Variants in TTC27 observed in about 807,000 individuals in gnomAD.
TTC27 encodes tetratricopeptide repeat domain 27.
A neutral mutation model predicts 115.9 loss-of-function variants in TTC27; 79 were observed. That is an observed-to-expected ratio of 0.68 (90% confidence interval 0.57 to 0.82). The LOEUF (loss-of-function observed/expected upper bound fraction) is 0.82. Ranked by LOEUF, TTC27 falls within the 40% of genes least tolerant of loss-of-function variation. TTC27 has a pLI of 0.00. For missense variants in TTC27, 1,054 were observed against 993.1 expected (o/e 1.06, Z -0.82); for synonymous variants, 401 against 356.0 (o/e 1.13, Z -1.42).
At chr2:32,782,401 G>T (rs942466126) in intron 14 of TTC27, among the ~76,000 whole-genome samples, 5 of 152,126 alleles carry the variant, frequency 3.3e-5, no homozygotes, top group Admixed American at 6.5e-5. Flanking sequence ...ATTGCTAATT[G>T]GTACAATAAT....
intron 12 of TTC27, among the ~76,000 whole-genome samples, chr2:32,747,111 G>A (rs897864088): frequency 2.6e-5 from 4 of 152,186 alleles, no homozygotes; most frequent in African/African-American, 9.7e-5. Context: ...CAGAACTGAT[G>A]TTGGGTAGCA....
chr2:32,699,884 T>C (rs994945526), intron 9 of TTC27, among the ~76,000 whole-genome samples: 14 of 152,244 alleles, frequency 9.2e-5, no homozygotes, highest in African/African-American at 3.4e-4. Context: ...GGCAAGCCTC[T>C]TGTTCTCATA....
At chr2:32,820,282 T>C (rs1208063438) in intron 19 of TTC27, among the ~76,000 whole-genome samples, 1 of 152,210 alleles carries the variant, frequency 6.6e-6, no homozygotes, top group Admixed American at 6.5e-5. Context: ...GGTAGCATGA[T>C]TGAAATATGT....
chr2:32,709,288 G>C (rs983657098), intron 10 of TTC27, among the ~76,000 whole-genome samples: 4 of 152,144 alleles, frequency 2.6e-5, no homozygotes, highest in Non-Finnish European at 5.9e-5. Flanking sequence ...GAAAGGGAAA[G>C]ATGTCAGTTT....
At chr2:32,813,576 G>T (rs1474408060) in intron 18 of TTC27, among the ~76,000 whole-genome samples, 2 of 152,122 alleles carry the variant, frequency 1.3e-5, no homozygotes, top group Non-Finnish European at 2.9e-5. Flanking sequence ...ACATGGTTTA[G>T]ATATTAATAC....
chr2:32,753,725 G>A (rs114966531), intron 12 of TTC27, among the ~76,000 whole-genome samples: 1,599 of 152,224 alleles, frequency 0.011, 9 homozygotes, highest in Non-Finnish European at 0.014. Flanking sequence ...GGGATTACAG[G>A]CTTGAGCCAC....
intron 12 of TTC27, among the ~76,000 whole-genome samples, chr2:32,753,744 G>A (rs1037833667): frequency 5.3e-5 from 8 of 152,268 alleles, no homozygotes; most frequent in Non-Finnish European, 8.8e-5. Flanking sequence ...ACCGTGTGGA[G>A]CCCAAATGCC....
intron 13 of TTC27, among the ~76,000 whole-genome samples, chr2:32,775,572 A>G (rs896532819): frequency 5.9e-5 from 9 of 152,160 alleles, no homozygotes; most frequent in Non-Finnish European, 8.8e-5. Context: ...AGCAGAGCAC[A>G]TGCATTTTGA....
chr2:32,650,908 G>A (rs552791491), intron 5 of TTC27, among the ~76,000 whole-genome samples: 3 of 152,050 alleles, frequency 2.0e-5, no homozygotes, highest in Non-Finnish European at 2.9e-5. Context: ...TATTCCTCCT[G>A]TATCCTAGGG....
chr2:32,776,702 A>G (rs1467332103), intron 13 of TTC27, among the ~76,000 whole-genome samples: 1 of 152,046 alleles, frequency 6.6e-6, no homozygotes, highest in Non-Finnish European at 1.5e-5. Context: ...TCCACCTCCT[A>G]GGTTCAAGCG....
chr2:32,808,263 C>A (rs960964651), intron 16 of TTC27, among the ~76,000 whole-genome samples: 1 of 152,138 alleles, frequency 6.6e-6, no homozygotes, highest in African/African-American at 2.4e-5. Flanking sequence ...ATGTTGTGTT[C>A]TTTAAGATTC....
chr2:32,721,190 A>G (rs1667913913), intron 10 of TTC27, among the ~76,000 whole-genome samples: 1 of 152,220 alleles, frequency 6.6e-6, no homozygotes, highest in Admixed American at 6.5e-5. Context: ...ATGGACAAAT[A>G]GAATTTAGAG....
At chr2:32,735,639 A>G (rs7594374) in intron 11 of TTC27, among the ~76,000 whole-genome samples, 1 of 147,908 alleles carries the variant, frequency 6.8e-6, no homozygotes, top group African/African-American at 2.4e-5. Context: ...GTTTATTATA[A>G]AAAGAGAATT....
intron 12 of TTC27, among the ~76,000 whole-genome samples, chr2:32,745,124 A>T (rs965094444): frequency 6.6e-6 from 1 of 151,474 alleles, no homozygotes; most frequent in African/African-American, 2.4e-5. Flanking sequence ...GGAAGTCTAT[A>T]GACTAGATTA....
At chr2:32,814,557 C>T (rs1671434426) in intron 18 of TTC27, among the ~76,000 whole-genome samples, 1 of 152,164 alleles carries the variant, frequency 6.6e-6, no homozygotes, top group Admixed American at 6.5e-5. Flanking sequence ...CCACCCCACC[C>T]AATTATAAAA....
intron 9 of TTC27, among the ~76,000 whole-genome samples, chr2:32,688,570 T>C (rs2151893789): frequency 6.6e-6 from 1 of 152,214 alleles, no homozygotes; most frequent in South Asian, 2.1e-4. Flanking sequence ...TTCAACTCAA[T>C]AGTAGAAACC....
chr2:32,756,332 A>T (rs1669231577), intron 12 of TTC27, among the ~76,000 whole-genome samples: 1 of 152,232 alleles, frequency 6.6e-6, no homozygotes, highest in Non-Finnish European at 1.5e-5. Flanking sequence ...TTGTGGTTGA[A>T]TACATCTCTT....
intron 5 of TTC27, among the ~76,000 whole-genome samples, chr2:32,661,892 T>C (rs1665562147): frequency 6.6e-6 from 1 of 152,208 alleles, no homozygotes; most frequent in South Asian, 2.1e-4. Context: ...CAGTATGATA[T>C]TGGCTGTGGG....
chr2:32,705,146 AC>A lies in TTC27; in HGVS notation c.1233+2227del, dbSNP rs553184168. On this transcript the variant is annotated intron_variant, in intron 10 of 19. Transcript: ENST00000317907. ...AGTGCCCTCCCCACAGTAATAAGTG[AC>A]TTGTCCCTCTGTTAGTTCATGTGAG... 2.1e-4 allele frequency: 54 copies of A among 252,250 alleles called. No individual in the cohort carries two copies. In the South Asian group the frequency reaches 2.3e-3, roughly 11 times the overall value. The allele number at this position is 252,250 out of a possible 1,614,324, so 15.6% of individuals were successfully genotyped here.
Sources: allele counts gnomAD v4.1 joint callset (sites outside exome capture counted in the v4.1 genomes callset), GRCh38; gene constraint gnomAD v4.1.1; transcripts MANE v1.5; gene names NCBI Gene and HGNC (gene_info 2026-07-23, HGNC 2026-07-21).